Variants in NTRK1 observed in about 807,000 individuals in gnomAD.
The protein encoded by NTRK1 is high affinity nerve growth factor receptor.
A neutral mutation model predicts 86.8 loss-of-function variants in NTRK1; 62 were observed. The observed-to-expected ratio is 0.71, with a 90% CI of 0.58 to 0.88. NTRK1 has a LOEUF of 0.88. Among genes scored for constraint, NTRK1 ranks in the 40% least tolerant of loss-of-function variants. The pLI is 0.00. For missense variants in NTRK1, 967 were observed against 1,078.4 expected, an observed-to-expected ratio of 0.90 and a Z score of 1.45; for synonymous variants, 469 against 456.6, an observed-to-expected ratio of 1.03 and a Z score of -0.35.
rs764095102 is a variant in NTRK1 at position 156,868,289 on chromosome 1, G to T, written c.574+40G>T. 8 of 1,600,078 alleles carry T rather than the reference G, an allele frequency of 5.0e-6. No individual in the cohort carries two copies. In the African/African-American group the frequency reaches 1.1e-4, roughly 21 times the overall value. On this transcript the variant is annotated intron_variant, in intron 5 of 16. Coordinates refer to ENST00000524377, the MANE Select transcript of NTRK1 (RefSeq NM_002529.4). ...AGGGAGGTGGTGTAAGGGGGCTGGGGAAGAGACCTACCTGCCTGAGGGAGA... is the reference window on the plus strand; with the variant it reads ...AGGGAGGTGGTGTAAGGGGGCTGGGTAAGAGACCTACCTGCCTGAGGGAGA...
At chr1:156,870,383 TA>T (rs1198405809) in intron 6 of NTRK1, among the ~76,000 whole-genome samples, 5 of 151,760 alleles carry the variant, frequency 3.3e-5, no homozygotes, top group African/African-American at 4.8e-5. Context: ...CCCTATCTCT[TA>T]AAAAAAATTG....
rs138742728 is a variant in NTRK1, at chr1:156,838,431, C to T, written c.-63-3650C>T. Among the ~76,000 whole-genome samples, 403 of 151,014 alleles carry T rather than the reference C, an allele frequency of 2.7e-3. 4 individuals carry two copies. The highest frequency in any genetic ancestry group is 9.2e-3 in the African/African-American group (379 of 40,984). On this transcript the variant is annotated intron_variant, in intron 1 of 16. Coordinates refer to the NTRK1 transcript ENST00000392302. ...CTGGGGAAGAGGAGGGGGACCAAGACGGGTGTTTCTGTATTTCAGTCGCTG... is the reference window on the plus strand; with the variant it reads ...CTGGGGAAGAGGAGGGGGACCAAGATGGGTGTTTCTGTATTTCAGTCGCTG...
chr1:156,816,915 G>GATAGCGGTGGT, intron 1 of NTRK1: 1 of 432,952 alleles, frequency 2.3e-6, no homozygotes, highest in Non-Finnish European at 4.1e-6. Context: ...CGCAGCTGTA[G>GATAGCGGTGGT]ATAGCGGTGG....
rs1181907926 is a variant in NTRK1 at position 156,862,342 on chromosome 1, G to T, written c.212+1196G>T. ...GCCTAGGTCTCTGCATGATGGGAGGGGGCATGAGAGACAGGTTGCCAGTCC... is the reference window on the plus strand; with the variant it reads ...GCCTAGGTCTCTGCATGATGGGAGGTGGCATGAGAGACAGGTTGCCAGTCC... On this transcript the variant is annotated intron_variant, in intron 1 of 16. Coordinates refer to ENST00000524377, the MANE Select transcript of NTRK1 (RefSeq NM_002529.4). Among the ~76,000 whole-genome samples the T allele has an allele frequency of 3.3e-5, 5 of 152,244 alleles. No homozygotes were observed. The East Asian group carries it at 9.6e-4, about 29-fold the overall frequency.
chr1:156,823,271 C>A (rs1046562693), intron 1 of NTRK1, among the ~76,000 whole-genome samples: 2 of 152,184 alleles, frequency 1.3e-5, no homozygotes, highest in African/African-American at 4.8e-5. Context: ...CGCACACCAC[C>A]ACATCCAGTT....
At chr1:156,844,550 A>G (rs892563234) in intron 2 of NTRK1, 12 of 1,614,054 alleles carry the variant, frequency 7.4e-6, no homozygotes, top group African/African-American at 1.3e-5. Flanking sequence ...AGTAGTTTCC[A>G]GGGGGCAGCA....
At chr1:156,872,267 G>C (rs772450767) in intron 7 of NTRK1, among the ~76,000 whole-genome samples, 53 of 152,032 alleles carry the variant, frequency 3.5e-4, no homozygotes, top group Non-Finnish European at 6.9e-4. Flanking sequence ...ACTCTTACCA[G>C]CATCACGGAA....
At chr1:156,834,539 C>T (rs1187118179) in intron 1 of NTRK1, among the ~76,000 whole-genome samples, 1 of 152,158 alleles carries the variant, frequency 6.6e-6, no homozygotes, top group East Asian at 1.9e-4. Flanking sequence ...GCTGGACCTC[C>T]AGTAACTGGC....
chr1:156,858,490 T>C (rs200847222), upstream of NTRK1: 15 of 1,483,904 alleles, frequency 1.0e-5, 1 homozygote, highest in East Asian at 3.2e-4. Context: ...GCCTCCCAGC[T>C]GGCTGGGAGG....
At chr1:156,868,454 G>A (rs1226809556) in intron 5 of NTRK1, 51 bp from the exon 6 acceptor site, 1 of 1,550,346 alleles carries the variant, frequency 6.5e-7, no homozygotes, top group Admixed American at 2.0e-5. Context: ...GAGTTCTGGG[G>A]CCACTCCCAG....
chr1:156,867,430 C>A (rs935487405), intron 4 of NTRK1, among the ~76,000 whole-genome samples: 1 of 152,214 alleles, frequency 6.6e-6, no homozygotes, highest in Non-Finnish European at 1.5e-5. Context: ...GGTGAGGGAG[C>A]CCCATGCATC....
chr1:156,822,235 C>T (rs756764763), intron 1 of NTRK1, among the ~76,000 whole-genome samples: 15 of 152,302 alleles, frequency 9.8e-5, no homozygotes, highest in East Asian at 1.9e-4. Context: ...TCTGTGCAAA[C>T]GGTGACATTC....
At chr1:156,855,397 GT>G (rs1168405699) in intron 2 of NTRK1, among the ~76,000 whole-genome samples, 3 of 152,106 alleles carry the variant, frequency 2.0e-5, no homozygotes, top group Non-Finnish European at 4.4e-5. Flanking sequence ...TAGAGGCAAG[GT>G]TTTACCATGG....
In NTRK1 at chr1:156,864,360, C is replaced by A. The variant is rs563296138; in HGVS notation, c.219C>A (p.Ile73=). 2 of 1,614,136 alleles carry A rather than the reference C, an allele frequency of 1.2e-6. No homozygotes were observed. Among genetic ancestry groups the A allele is most frequent in the South Asian group, 2.2e-5 (2 of 91,072 alleles). ...PGAENLTELY[I]ENQQHLQHLE... ...CCATCCGCTCTCCCCACAGCTACAT[C>A]GAGAACCAGCAGCATCTGCAGCATC... Residue 73 remains isoleucine, a synonymous_variant, in exon 2 of 17, where the codon ATC becomes ATA. Coordinates refer to ENST00000524377, the MANE Select transcript of NTRK1 (RefSeq NM_002529.4).
chr1:156,833,078 T>C (rs915099999), intron 1 of NTRK1, among the ~76,000 whole-genome samples: 2 of 152,104 alleles, frequency 1.3e-5, no homozygotes, highest in Admixed American at 1.3e-4. Flanking sequence ...TGGCCCAGAG[T>C]GGTACACCAA....
Position 156,860,950 on chromosome 1 carries a change from C to T in NTRK1, c.16C>T (p.Arg6Trp), listed in dbSNP as rs201472270. The change falls in exon 1 of 17, where the codon CGG (arginine) becomes TGG (tryptophan). Residue 6 changes from arginine (R) to tryptophan (W), a missense_variant. This residue lies in a region of NTRK1 where 330 missense variants were observed against 302.0 expected (regional missense o/e 1.09). Transcript: ENST00000524377. MLRGG[R>W]RGQLGWHSWA... ...CGCCGCCGCGATGCTGCGAGGCGGACGGCGCGGGCAGCTTGGCTGGCACAG... is the reference window on the plus strand; with the variant it reads ...CGCCGCCGCGATGCTGCGAGGCGGATGGCGCGGGCAGCTTGGCTGGCACAG... 6,490 of 1,495,226 alleles carry T rather than the reference C, an allele frequency of 4.3e-3. 15 individuals are homozygous for T. The highest frequency in any genetic ancestry group is 5.1e-3 in the Non-Finnish European group (5,784 of 1,130,826). 92.6% of individuals were successfully genotyped at this position (1,495,226 alleles called of 1,614,324 possible).
At chr1:156,873,143 C>T (rs1260371782) in intron 7 of NTRK1, among the ~76,000 whole-genome samples, 3 of 151,592 alleles carry the variant, frequency 2.0e-5, no homozygotes, top group African/African-American at 7.3e-5. Flanking sequence ...AACTCCTGGC[C>T]TCAAGCGATC....
intron 2 of NTRK1, chr1:156,842,647 G>A (rs2102854342): frequency 1.5e-6 from 1 of 655,004 alleles, no homozygotes; most frequent in Non-Finnish European, 2.8e-6. Context: ...CCTGACTCCT[G>A]ACCTAACAAT....
chr1:156,842,360 A>G (rs1365235883), intron 2 of NTRK1: 1 of 1,612,438 alleles, frequency 6.2e-7, no homozygotes, highest in Non-Finnish European at 8.5e-7. Flanking sequence ...ACTGTGCCCA[A>G]CCCTTCTTTC....
Sources: allele counts gnomAD v4.1 joint callset (sites outside exome capture counted in the v4.1 genomes callset), GRCh38; gene constraint gnomAD v4.1.1; regional missense constraint gnomAD v4.1.1; transcripts MANE v1.5; gene names NCBI Gene and HGNC (gene_info 2026-07-23, HGNC 2026-07-21).